The following NR3C2 variants were observed in gnomAD, a reference collection of about 807,000 sequenced individuals.
NR3C2 encodes the protein mineralocorticoid receptor.
A neutral mutation model predicts 86.4 loss-of-function variants in NR3C2; 15 were observed. The observed-to-expected ratio is 0.17, with a 90% CI of 0.12 to 0.27. NR3C2 has a LOEUF of 0.27. NR3C2 is among the 10% of genes least tolerant of loss of function. The probability of loss-of-function intolerance (pLI) is 1.00; values close to 1 mark genes in which losing one functional copy is unlikely to be tolerated. For missense variants in NR3C2, 960 were observed against 1,195.6 expected (o/e 0.80, Z 2.91); for synonymous variants, 458 against 450.5 (o/e 1.02, Z -0.21).
chr4:148,214,599 G>C (rs1737433976), intron 3 of NR3C2, among the ~76,000 whole-genome samples: 1 of 152,130 alleles, frequency 6.6e-6, no homozygotes, highest in Admixed American at 6.5e-5. Context: ...AGCTACCTGA[G>C]CCGCATCTAG....
At chr4:148,304,514 C>T (rs1185323697) in intron 2 of NR3C2, among the ~76,000 whole-genome samples, 3 of 152,056 alleles carry the variant, frequency 2.0e-5, no homozygotes, top group African/African-American at 7.2e-5. Context: ...ATCAGAGCCT[C>T]AGACAATGGC....
chr4:148,228,293 A>ACC (rs1203940407), intron 3 of NR3C2, among the ~76,000 whole-genome samples: 1 of 151,628 alleles, frequency 6.6e-6, no homozygotes, highest in Non-Finnish European at 1.5e-5. Context: ...ACACACACAC[A>ACC]CACCCAAGTA....
At chr4:148,387,616 C>T (rs779080189) in intron 2 of NR3C2, among the ~76,000 whole-genome samples, 1 of 152,272 alleles carries the variant, frequency 6.6e-6, no homozygotes, top group Admixed American at 6.5e-5. Context: ...ATGACAAAAT[C>T]GCTGAAAGGG....
At chr4:148,302,346 C>A (rs1742379737) in intron 2 of NR3C2, among the ~76,000 whole-genome samples, 1 of 152,128 alleles carries the variant, frequency 6.6e-6, no homozygotes, top group South Asian at 2.1e-4. Context: ...CTTGTTTTGT[C>A]TTTCAGAGTC....
intron 2 of NR3C2, among the ~76,000 whole-genome samples, chr4:148,334,329 C>T (rs111334785): frequency 3.3e-5 from 5 of 152,288 alleles, no homozygotes; most frequent in East Asian, 1.9e-4. Flanking sequence ...GATCACCTGA[C>T]GTCGGGAGTT....
At chr4:148,259,185 G>GATCC (rs991126537) in intron 3 of NR3C2, among the ~76,000 whole-genome samples, 5 of 152,150 alleles carry the variant, frequency 3.3e-5, no homozygotes, top group Admixed American at 2.6e-4. Flanking sequence ...TCTTCATGTG[G>GATCC]AGCCCCTTAG....
upstream of NR3C2, chr4:148,444,559 G>A (rs1319583377): frequency 9.1e-6 from 9 of 987,962 alleles, no homozygotes; most frequent in African/African-American, 8.7e-5. Context: ...GCTGGGGCGG[G>A]GGAAGGGGAA....
At chr4:148,186,272 T>C (rs567788801) in intron 4 of NR3C2, among the ~76,000 whole-genome samples, 1 of 152,356 alleles carries the variant, frequency 6.6e-6, no homozygotes, top group African/African-American at 2.4e-5. Flanking sequence ...TTATCTGCAA[T>C]TGTTCTGTTC....
At chr4:148,322,453 G>A (rs1432349680) in intron 2 of NR3C2, among the ~76,000 whole-genome samples, 2 of 111,188 alleles carry the variant, frequency 1.8e-5, no homozygotes, top group Non-Finnish European at 3.5e-5. Flanking sequence ...AAGTTCTCCT[G>A]GATAATATCC....
At chr4:148,215,425 CT>C (rs1163234213) in intron 3 of NR3C2, among the ~76,000 whole-genome samples, 14 of 152,178 alleles carry the variant, frequency 9.2e-5, no homozygotes, top group Non-Finnish European at 1.5e-5. Flanking sequence ...CTGATCCGGG[CT>C]TTCCTTATGA....
chr4:148,444,175 C>G, upstream of NR3C2: 1 of 985,452 alleles, frequency 1.0e-6, no homozygotes. Flanking sequence ...CGCGAGGCGG[C>G]GGCGGCTCCG....
upstream of NR3C2, chr4:148,444,922 C>A (rs1050929539): frequency 2.0e-6 from 2 of 984,916 alleles, no homozygotes; most frequent in African/African-American, 3.5e-5. Flanking sequence ...CGCGCCCCCT[C>A]CCCGGGCCCT....
chr4:148,302,808 T>C (rs1742406123), intron 2 of NR3C2, among the ~76,000 whole-genome samples: 1 of 144,880 alleles, frequency 6.9e-6, no homozygotes, highest in East Asian at 2.0e-4. Context: ...ATCACACCAT[T>C]GCACTCCAGC....
At chr4:148,376,904 T>C (rs952289228) in intron 2 of NR3C2, among the ~76,000 whole-genome samples, 1 of 152,180 alleles carries the variant, frequency 6.6e-6, no homozygotes, top group African/African-American at 2.4e-5. Context: ...ACAAAAACTC[T>C]TTTTCCTCAA....
At chr4:148,248,662 A>G (rs1480181309) in intron 3 of NR3C2, among the ~76,000 whole-genome samples, 1 of 152,228 alleles carries the variant, frequency 6.6e-6, no homozygotes, top group African/African-American at 2.4e-5. Context: ...TAAACAATAG[A>G]GATCTACCTA....
At chr4:148,227,447 T>G (rs1264635139) in intron 3 of NR3C2, among the ~76,000 whole-genome samples, 1 of 152,170 alleles carries the variant, frequency 6.6e-6, no homozygotes, top group East Asian at 1.9e-4. Context: ...CCTACTATAG[T>G]GTTATTTTTT....
chr4:148,245,803 T>A (rs2149854101), intron 3 of NR3C2, among the ~76,000 whole-genome samples: 1 of 152,360 alleles, frequency 6.6e-6, no homozygotes, highest in Non-Finnish European at 1.5e-5. Context: ...ATGAAAATTT[T>A]GTATGTAGAA....
At chr4:148,223,881 A>G (rs1737998882) in intron 3 of NR3C2, among the ~76,000 whole-genome samples, 1 of 152,138 alleles carries the variant, frequency 6.6e-6, no homozygotes, top group Admixed American at 6.5e-5. Flanking sequence ...TAGAAGTTAA[A>G]TTTTCATCTT....
intron 4 of NR3C2, among the ~76,000 whole-genome samples, chr4:148,173,840 T>G (rs908780531): frequency 1.3e-5 from 2 of 152,244 alleles, no homozygotes; most frequent in Non-Finnish European, 2.9e-5. Flanking sequence ...GCTTCAGCAC[T>G]GAAGCGAAGG....
Sources: allele counts gnomAD v4.1 joint callset (sites outside exome capture counted in the v4.1 genomes callset), GRCh38; gene constraint gnomAD v4.1.1; transcripts MANE v1.5; gene names NCBI Gene and HGNC (gene_info 2026-07-23, HGNC 2026-07-21).